DOK6: variants seen among roughly 807,000 people sequenced by gnomAD.
The protein encoded by DOK6 is downstream of tyrosine kinase 6.
DOK6 carries 22 observed loss-of-function variants against 44.0 expected under a neutral mutation model. The ratio of observed to expected loss-of-function variants is 0.50; its 90% CI spans 0.36 to 0.71. The LOEUF (loss-of-function observed/expected upper bound fraction) is 0.71, where lower values mean the gene tolerates loss of function less well. DOK6 is among the 30% of genes least tolerant of loss of function. DOK6 has a pLI of 0.00. For synonymous variants in DOK6, 166 were observed against 145.5 expected, an observed-to-expected ratio of 1.14 and a Z score of -1.01; for missense variants, 340 against 416.4, an observed-to-expected ratio of 0.82 and a Z score of 1.60.
At position 69,682,088 on chromosome 18, in the gene DOK6, T is replaced by C. The variant is rs374435019; in HGVS notation, c.409+4235T>C. Among the ~76,000 whole-genome samples, 5 of 152,326 alleles carry C rather than the reference T, an allele frequency of 3.3e-5. No homozygotes were observed. In the East Asian group the frequency reaches 9.7e-4, roughly 29 times the overall value. ...AACTTGTCTCAGAACCAAAGCAATA[T>C]GCTAGTGTTGTTTCTAAATTATTAC... On this transcript the variant is annotated intron_variant, in intron 4 of 7. Transcript: ENST00000382713.
intron 7 of DOK6, among the ~76,000 whole-genome samples, chr18:69,788,925 C>G (rs962161793): frequency 4.6e-5 from 7 of 152,106 alleles, no homozygotes; most frequent in Admixed American, 2.0e-4. Flanking sequence ...AATAATGCAA[C>G]TCATTAAAAT....
At chr18:69,443,946 T>G (rs1284054328) in intron 1 of DOK6, among the ~76,000 whole-genome samples, 1 of 151,588 alleles carries the variant, frequency 6.6e-6, no homozygotes, top group Non-Finnish European at 1.5e-5. Flanking sequence ...TCCATAAACA[T>G]ATGTACACAC....
intron 1 of DOK6, among the ~76,000 whole-genome samples, chr18:69,487,428 ATC>A (rs1485559194): frequency 2.6e-5 from 4 of 152,106 alleles, no homozygotes; most frequent in Non-Finnish European, 5.9e-5. Context: ...CTGGGGCAAA[ATC>A]TGCCCCCAGT....
chr18:69,468,647 G>T (rs151245092), intron 1 of DOK6, among the ~76,000 whole-genome samples: 1 of 152,154 alleles, frequency 6.6e-6, no homozygotes, highest in African/African-American at 2.4e-5. Context: ...GAAGTTGAAA[G>T]ATCTTAAAAA....
intron 5 of DOK6, among the ~76,000 whole-genome samples, chr18:69,738,584 T>A (rs977857568): frequency 6.6e-6 from 1 of 152,214 alleles, no homozygotes; most frequent in African/African-American, 2.4e-5. Flanking sequence ...AATGACATGG[T>A]GATAACTGCA....
chr18:69,531,063 A>G (rs1176657553), intron 1 of DOK6, among the ~76,000 whole-genome samples: 1 of 151,742 alleles, frequency 6.6e-6, no homozygotes, highest in Admixed American at 6.6e-5. Flanking sequence ...GTTTTATCAG[A>G]GACTAGGATT....
intron 6 of DOK6, among the ~76,000 whole-genome samples, chr18:69,757,168 C>A (rs2144753913): frequency 6.6e-6 from 1 of 152,082 alleles, no homozygotes. Context: ...CAGAGAATAC[C>A]TTTTTTAATA....
chr18:69,579,425 T>A lies in DOK6; in HGVS notation c.174+14831T>A, dbSNP rs552570053. 5.3e-5 allele frequency among the ~76,000 whole-genome samples: 8 copies of A among 152,334 alleles called. No individual in the cohort carries two copies. In the South Asian group the frequency reaches 1.7e-3, roughly 32 times the overall value. ...GCCTGGAATTCTCTAATTGTTTTTA[T>A]TCTTTCATAAAAGGTTTTCCTGGGT... On this transcript the variant is annotated intron_variant, in intron 2 of 7. Coordinates refer to ENST00000382713, the MANE Select transcript of DOK6 (RefSeq NM_152721.6).
intron 3 of DOK6, among the ~76,000 whole-genome samples, chr18:69,604,413 T>C (rs17776076): frequency 0.025 from 3,808 of 152,288 alleles, 51 homozygotes; most frequent in South Asian, 0.049. Flanking sequence ...TGGTCTTAAC[T>C]TCCCAGAGAA....
At chr18:69,509,465 G>C (rs572930928) in intron 1 of DOK6, among the ~76,000 whole-genome samples, 3 of 151,708 alleles carry the variant, frequency 2.0e-5, no homozygotes, top group Non-Finnish European at 4.4e-5. Flanking sequence ...GTGAAACCCC[G>C]TCTCTACTAA....
At chr18:69,539,978 G>T (rs1982226418) in intron 1 of DOK6, among the ~76,000 whole-genome samples, 1 of 152,146 alleles carries the variant, frequency 6.6e-6, no homozygotes, top group Non-Finnish European at 1.5e-5. Context: ...GAAGGGGAAG[G>T]AGGCAGCATC....
chr18:69,505,720 A>G (rs1357542040), intron 1 of DOK6, among the ~76,000 whole-genome samples: 1 of 150,366 alleles, frequency 6.7e-6, no homozygotes, highest in African/African-American at 2.4e-5. Flanking sequence ...CTGGTCTTGA[A>G]CTCCTGACCT....
At chr18:69,549,462 C>T (rs1982503686) in intron 1 of DOK6, among the ~76,000 whole-genome samples, 2 of 151,552 alleles carry the variant, frequency 1.3e-5, no homozygotes, top group Admixed American at 1.3e-4. Flanking sequence ...AGATTCCCTG[C>T]TCCCTCTACA....
In DOK6 at chr18:69,841,428, C is replaced by T; in HGVS notation, c.*45C>T. On this transcript the variant is annotated 3_prime_UTR_variant, in exon 8 of 8. Coordinates refer to ENST00000382713, the MANE Select transcript of DOK6 (RefSeq NM_152721.6). ...GACTAGAGAGACAGTCTGTCCTGGA[C>T]CCGTCTGTGGGGTCATTACCCTCTG... 1 of 1,611,336 alleles carries T rather than the reference C, an allele frequency of 6.2e-7. No homozygotes were observed. The highest frequency in any genetic ancestry group is 8.5e-7 in the Non-Finnish European group (1 of 1,178,216).
chr18:69,537,445 T>G (rs1982154857), intron 1 of DOK6, among the ~76,000 whole-genome samples: 1 of 152,162 alleles, frequency 6.6e-6, no homozygotes, highest in Non-Finnish European at 1.5e-5. Flanking sequence ...CCCACCAGAC[T>G]GCCAGTTCCT....
intron 1 of DOK6, among the ~76,000 whole-genome samples, chr18:69,508,380 G>A (rs1486116644): frequency 6.6e-6 from 1 of 152,116 alleles, no homozygotes; most frequent in East Asian, 1.9e-4. Flanking sequence ...GGAATTACTT[G>A]AGAAATATCC....
intron 7 of DOK6, among the ~76,000 whole-genome samples, chr18:69,817,651 C>G (rs1418359225): frequency 6.6e-6 from 1 of 152,096 alleles, no homozygotes; most frequent in Non-Finnish European, 1.5e-5. Context: ...TAGGACCCAC[C>G]CTTGTGACCT....
chr18:69,631,234 T>C (rs1184424704), intron 3 of DOK6, among the ~76,000 whole-genome samples: 1 of 152,200 alleles, frequency 6.6e-6, no homozygotes, highest in Non-Finnish European at 1.5e-5. Context: ...TAATTGTCTC[T>C]TCATATGGGA....
intron 1 of DOK6, among the ~76,000 whole-genome samples, chr18:69,525,756 A>G (rs552244501): frequency 6.6e-6 from 1 of 152,212 alleles, no homozygotes; most frequent in East Asian, 1.9e-4. Context: ...AGCCACAGAC[A>G]ATACATAAGT....
Sources: allele counts gnomAD v4.1 joint callset (sites outside exome capture counted in the v4.1 genomes callset), GRCh38; gene constraint gnomAD v4.1.1; transcripts MANE v1.5; gene names NCBI Gene and HGNC (gene_info 2026-07-23, HGNC 2026-07-21).